The following MTSS1 variants were observed in gnomAD, a reference collection of about 807,000 sequenced individuals.
MTSS1 encodes protein MTSS 1.
MTSS1 carries 18 observed loss-of-function variants against 79.0 expected under a neutral mutation model. The ratio of observed to expected loss-of-function variants is 0.23; its 90% CI spans 0.16 to 0.34. The LOEUF is 0.34. Ranked by LOEUF, MTSS1 falls within the 10% of genes least tolerant of loss-of-function variation. The pLI, the probability that MTSS1 is intolerant of heterozygous loss-of-function variation, is 1.00. For missense variants in MTSS1, 815 were observed against 986.2 expected (o/e 0.83, Z 2.33); for synonymous variants, 341 against 368.6 (o/e 0.93, Z 0.86).
intron 3 of MTSS1, among the ~76,000 whole-genome samples, chr8:124,676,176 A>C (rs1825257369): frequency 6.6e-6 from 1 of 152,260 alleles, no homozygotes; most frequent in Non-Finnish European, 1.5e-5. Flanking sequence ...ATTGATTAAT[A>C]ATTTGATTTT....
intron 3 of MTSS1, among the ~76,000 whole-genome samples, chr8:124,674,342 A>T (rs994177131): frequency 2.0e-5 from 3 of 152,088 alleles, no homozygotes; most frequent in Non-Finnish European, 4.4e-5. Flanking sequence ...AAACACTTCA[A>T]TTATAAAATA....
intron 3 of MTSS1, among the ~76,000 whole-genome samples, chr8:124,696,968 T>C (rs1372763017): frequency 6.6e-6 from 1 of 152,196 alleles, no homozygotes; most frequent in Non-Finnish European, 1.5e-5. Context: ...ACTTCTGCAG[T>C]GAGGCTCTTT....
At chr8:124,619,719 G>A (rs1813088675) in intron 3 of MTSS1, among the ~76,000 whole-genome samples, 1 of 152,060 alleles carries the variant, frequency 6.6e-6, no homozygotes, top group Admixed American at 6.6e-5. Context: ...CTGGATGTAA[G>A]CATCATGGAA....
intron 3 of MTSS1, among the ~76,000 whole-genome samples, chr8:124,678,415 G>A (rs1825647087): frequency 6.6e-6 from 1 of 152,182 alleles, no homozygotes; most frequent in African/African-American, 2.4e-5. Context: ...AAATACCCGA[G>A]ACTGGGTAAT....
chr8:124,555,776 G>C lies in MTSS1; in HGVS notation c.1533C>G (p.Thr511=). 2 of 1,613,246 alleles carry C rather than the reference G, an allele frequency of 1.2e-6. No individual in the cohort carries two copies. Among genetic ancestry groups the C allele is most frequent in the Non-Finnish European group, 1.7e-6 (2 of 1,179,638 alleles). ...CSSGYSTQTT[T]PCCSEDTIPS... ...GGATGGTGTCCTCAGAGCAGCAGGGGGTGGTTGTCTGGGTGCTGTAGCCGC... is the reference window on the plus strand; with the variant it reads ...GGATGGTGTCCTCAGAGCAGCAGGGCGTGGTTGTCTGGGTGCTGTAGCCGC... Residue 511 remains threonine (T), a synonymous_variant, in exon 13 of 14, where the codon ACC becomes ACG. Transcript: ENST00000518547.
chr8:124,701,900 A>T (rs1829761537), intron 2 of MTSS1, among the ~76,000 whole-genome samples: 1 of 152,174 alleles, frequency 6.6e-6, no homozygotes, highest in African/African-American at 2.4e-5. Context: ...CTAACACACA[A>T]AATTAAACTA....
At chr8:124,574,096 C>T (rs961936887) in intron 6 of MTSS1, among the ~76,000 whole-genome samples, 1 of 152,054 alleles carries the variant, frequency 6.6e-6, no homozygotes, top group Non-Finnish European at 1.5e-5. Flanking sequence ...GGGTTCAAGA[C>T]AGTATGTCCG....
chr8:124,643,859 T>C (rs1818526743), intron 3 of MTSS1, among the ~76,000 whole-genome samples: 2 of 152,128 alleles, frequency 1.3e-5, no homozygotes, highest in Admixed American at 1.3e-4. Flanking sequence ...ATGGCAAAAT[T>C]ACAGGTAACT....
Position 124,568,492 on chromosome 8 carries a change from C to T in MTSS1, c.505G>A (p.Val169Ile), listed in dbSNP as rs762717193. 2 of 1,614,168 alleles carry T rather than the reference C, an allele frequency of 1.2e-6. No homozygotes were observed. The highest frequency in any genetic ancestry group is 1.3e-5 in the African/African-American group (1 of 75,036). Residue 169 changes from valine (V) to isoleucine (I), a missense_variant, in exon 7 of 14, where the codon GTC becomes ATC. Physicochemically the swap from Val to Ile is conservative, Grantham distance 29 (BLOSUM62 3). This residue lies in a region of MTSS1 where 225 missense variants were observed against 365.4 expected (regional missense o/e 0.62). Transcript: ENST00000518547. ...TCCAATAAGAGATACTTATCATTGACATCTTGGAGAGCACTGTCCAACTGA... is the reference window on the plus strand; with the variant it reads ...TCCAATAAGAGATACTTATCATTGATATCTTGGAGAGCACTGTCCAACTGA... ...QPQLDSALQD[V>I]NDKYLLLEET...
At position 124,727,571 on chromosome 8, in the gene MTSS1, G is replaced by A. The variant is rs1418308704; in HGVS notation, c.72+313C>T. On this transcript the variant is annotated intron_variant, in intron 1 of 13. Coordinates refer to ENST00000518547, the MANE Select transcript of MTSS1 (RefSeq NM_014751.6). The surrounding 1 kb of genome is among the most constrained non-coding windows in gnomAD (Gnocchi z 4.7). ...GTCCCAGACACTTACTTCAGGGACAGACAATGGGAAAACTTGCAGCCAGTG... is the reference window on the plus strand; with the variant it reads ...GTCCCAGACACTTACTTCAGGGACAAACAATGGGAAAACTTGCAGCCAGTG... The A allele has an allele frequency of 1.9e-6, 1 of 534,954 alleles. No homozygotes were observed. Among genetic ancestry groups the A allele is most frequent in the South Asian group, 1.5e-5 (1 of 65,236 alleles). 33.1% of individuals were successfully genotyped at this position (534,954 alleles called of 1,614,324 possible). A position where few individuals can be genotyped will look rare whatever the true frequency, so the allele number is the denominator to read the frequency against.
intron 3 of MTSS1, among the ~76,000 whole-genome samples, chr8:124,642,080 A>G (rs1211721723): frequency 6.6e-6 from 1 of 152,248 alleles, no homozygotes; most frequent in Admixed American, 6.5e-5. Flanking sequence ...AAACAGTTCC[A>G]GAATAACCAC....
At chr8:124,614,951 C>T (rs1248840703) in intron 3 of MTSS1, among the ~76,000 whole-genome samples, 4 of 152,170 alleles carry the variant, frequency 2.6e-5, no homozygotes, top group Admixed American at 6.5e-5. Flanking sequence ...TACTGGATGA[C>T]ACAATGTGAT....
intron 3 of MTSS1, among the ~76,000 whole-genome samples, chr8:124,695,961 G>A (rs1828750388): frequency 6.6e-6 from 1 of 151,838 alleles, no homozygotes; most frequent in Non-Finnish European, 1.5e-5. Context: ...GGGGAAGTGG[G>A]GAGGATAAAT....
At chr8:124,595,108 A>G (rs1832533220) in intron 3 of MTSS1, among the ~76,000 whole-genome samples, 1 of 152,110 alleles carries the variant, frequency 6.6e-6, no homozygotes, top group Non-Finnish European at 1.5e-5. Context: ...GGCTGGCCCT[A>G]TCTGGAGGCA....
intron 3 of MTSS1, among the ~76,000 whole-genome samples, chr8:124,653,867 G>A (rs28576363): frequency 0.1 from 15,713 of 152,134 alleles, 987 homozygotes; most frequent in African/African-American, 0.17. Flanking sequence ...GCCTATAATC[G>A]ACAGAACTAC....
At chr8:124,716,253 G>A (rs1177864635) in intron 1 of MTSS1, among the ~76,000 whole-genome samples, 1 of 150,508 alleles carries the variant, frequency 6.6e-6, no homozygotes, top group Non-Finnish European at 1.5e-5. Flanking sequence ...GAGGATAAAT[G>A]GGAATTTTCT....
At chr8:124,674,536 G>A (rs200222855) in intron 3 of MTSS1, among the ~76,000 whole-genome samples, 1 of 152,140 alleles carries the variant, frequency 6.6e-6, no homozygotes, top group South Asian at 2.1e-4. Context: ...GTAAAGACAG[G>A]GTTTTGCCAT....
intron 3 of MTSS1, among the ~76,000 whole-genome samples, chr8:124,652,280 T>G (rs1587594475): frequency 6.6e-6 from 1 of 152,248 alleles, no homozygotes; most frequent in South Asian, 2.1e-4. Context: ...TTCAAGTGAT[T>G]CTCCTGCCTC....
chr8:124,558,970 A>G, intron 10 of MTSS1: 1 of 1,190,410 alleles, frequency 8.4e-7, no homozygotes, highest in South Asian at 1.9e-5. Context: ...ACATATACAC[A>G]GAAGAGGGGA....
Sources: gnomAD v4.1 joint callset for allele counts (sites outside exome capture counted in the v4.1 genomes callset) on GRCh38, gnomAD v4.1.1 for gene constraint, gnomAD v4.1.1 regional missense constraint, Gnocchi (gnomAD v3.1) non-coding constraint, MANE v1.5 for transcripts, NCBI Gene and HGNC (gene_info 2026-07-23, HGNC 2026-07-21) for gene names.